The following ZC3H7B variants were observed in gnomAD, a reference collection of about 807,000 sequenced individuals.
The protein encoded by ZC3H7B is zinc finger CCCH-type containing 7B.
A neutral mutation model predicts 116.0 loss-of-function variants in ZC3H7B; 35 were observed. The observed-to-expected ratio is 0.30, with a 90% CI of 0.23 to 0.40. The LOEUF (loss-of-function observed/expected upper bound fraction) is 0.40. Ranked by LOEUF, ZC3H7B falls within the 10% of genes least tolerant of loss-of-function variation. The probability of loss-of-function intolerance (pLI) is 1.00; values close to 1 mark genes in which losing one functional copy is unlikely to be tolerated. For missense variants in ZC3H7B, 1,011 were observed against 1,321.5 expected (o/e 0.77, Z 3.64); for synonymous variants, 502 against 545.6 (o/e 0.92, Z 1.11).
At chr22:41,306,459 C>T (rs745561524) in intron 1 of ZC3H7B, among the ~76,000 whole-genome samples, 33 of 151,090 alleles carry the variant, frequency 2.2e-4, no homozygotes, top group Admixed American at 5.9e-4. Flanking sequence ...CTGCAACCTC[C>T]GCCTCCCGGG....
chr22:41,341,558 A>G (rs2036522825), intron 11 of ZC3H7B, among the ~76,000 whole-genome samples: 2 of 151,552 alleles, frequency 1.3e-5, no homozygotes, highest in Non-Finnish European at 2.9e-5. Context: ...CCTGGCTAAC[A>G]CAGTGAAACC....
At chr22:41,333,399 G>T (rs1387358387) in intron 7 of ZC3H7B, 1 of 152,136 alleles carries the variant, frequency 6.6e-6, no homozygotes, top group African/African-American at 2.4e-5. Flanking sequence ...GGCCGAGGTG[G>T]GTGATCACTT....
chr22:41,319,495 G>A (rs561049098), intron 1 of ZC3H7B, among the ~76,000 whole-genome samples: 9 of 151,330 alleles, frequency 5.9e-5, no homozygotes, highest in Admixed American at 5.3e-4. Context: ...ACTTGAAACC[G>A]GGAGGTGGAG....
At chr22:41,342,455 C>T in intron 11 of ZC3H7B, 74 bp from the exon 12 acceptor site, 2 of 1,457,364 alleles carry the variant, frequency 1.4e-6, no homozygotes, top group Non-Finnish European at 1.9e-6. Flanking sequence ...CTCCCCACTT[C>T]TGGTGCCCTG....
chr22:41,320,664 G>A lies in ZC3H7B; in HGVS notation c.4G>A (p.Glu2Lys). The A allele has an allele frequency of 6.2e-7, 1 of 1,613,398 alleles. No individual in the cohort carries two copies. Among genetic ancestry groups the A allele is most frequent in the Non-Finnish European group, 8.5e-7 (1 of 1,179,590 alleles). Reference protein sequence around the residue: MERQKRKADIEK... With the variant: MKRQKRKADIEK... ...GTGCTCTCTTCCCCAGAGACTGATG[G>A]AGAGGCAGAAACGGAAGGCGGACAT... Residue 2 changes from glutamate (E) to lysine (K), a missense_variant, in exon 2 of 23, where the codon GAG becomes AAG. Around this residue, in one of 5 missense-constraint regions of ZC3H7B, gnomAD observed 322 missense variants for 443.9 expected, o/e 0.73. Transcript: ENST00000352645.
chr22:41,344,207 G>A (rs897758361), intron 13 of ZC3H7B, among the ~76,000 whole-genome samples: 4 of 152,164 alleles, frequency 2.6e-5, no homozygotes, highest in Non-Finnish European at 5.9e-5. Context: ...AGCTCTGGAG[G>A]AGGAAACGGA....
chr22:41,318,994 C>T (rs1368299673), intron 1 of ZC3H7B, among the ~76,000 whole-genome samples: 6 of 152,146 alleles, frequency 3.9e-5, no homozygotes, highest in Non-Finnish European at 7.4e-5. Context: ...GTGAGCCAGG[C>T]GCAGTGGCTG....
intron 2 of ZC3H7B, 111 bp from the exon 3 acceptor site, chr22:41,325,453 C>T: frequency 7.0e-7 from 1 of 1,429,230 alleles, no homozygotes; most frequent in Non-Finnish European, 9.6e-7. Flanking sequence ...AGTCTGTTCA[C>T]CCTAGTCCAC....
chr22:41,338,454 C>T lies in ZC3H7B; in HGVS notation c.625+99C>T. The stretch of plus-strand genomic sequence containing the variant: ...ATCCCAGCCCTGTAGATGGGAGGGC[C>T]TCCGAGGGGTTCCCCACCCTGGTAC... On this transcript the variant is annotated intron_variant, in intron 8 of 22. Transcript: ENST00000352645. The surrounding 1 kb of genome is among the most constrained non-coding windows in gnomAD (Gnocchi z 4.5). The T allele has an allele frequency of 4.6e-6, 6 of 1,317,432 alleles. No homozygotes were observed. In the South Asian group the frequency reaches 5.1e-5, roughly 11 times the overall value. 81.6% of individuals were successfully genotyped at this position (1,317,432 alleles called of 1,614,324 possible).
chr22:41,350,077 C>A (rs1227638128), intron 16 of ZC3H7B, among the ~76,000 whole-genome samples: 1 of 152,078 alleles, frequency 6.6e-6, no homozygotes, highest in African/African-American at 2.4e-5. Flanking sequence ...GAGACAGACT[C>A]GGGGATGGGA....
intron 1 of ZC3H7B, among the ~76,000 whole-genome samples, chr22:41,312,292 C>T (rs1220459704): frequency 6.6e-6 from 1 of 151,846 alleles, no homozygotes; most frequent in Non-Finnish European, 1.5e-5. Flanking sequence ...CATGGTGATA[C>T]CCTGTCTCTA....
At chr22:41,309,891 G>A (rs181842604) in intron 1 of ZC3H7B, among the ~76,000 whole-genome samples, 35 of 152,128 alleles carry the variant, frequency 2.3e-4, no homozygotes, top group African/African-American at 7.7e-4. Flanking sequence ...GCCCACGACT[G>A]GGCAGGGAAA....
chr22:41,314,023 C>G (rs996515844), intron 1 of ZC3H7B, among the ~76,000 whole-genome samples: 13 of 149,586 alleles, frequency 8.7e-5, no homozygotes, highest in African/African-American at 2.2e-4. Flanking sequence ...CCAAAGTGCT[C>G]GGATTATAGG....
Position 41,302,287 on chromosome 22 carries a change from G to T in ZC3H7B, c.-7+515G>T, listed in dbSNP as rs1340430925. Among the ~76,000 whole-genome samples, 1 of 151,826 alleles carries T rather than the reference G, an allele frequency of 6.6e-6. No homozygotes were observed. Among genetic ancestry groups the T allele is most frequent in the Non-Finnish European group, 1.5e-5 (1 of 67,900 alleles). On this transcript the variant is annotated intron_variant, in intron 1 of 22. Transcript: ENST00000352645. The surrounding 1 kb of genome is among the most constrained non-coding windows in gnomAD (Gnocchi z 5.7). ...GGCCGCGGCGAGGGCCGGGGAGCGG[G>T]GCCGCCCGACGGGCCGCCCCTTTCG...
At chr22:41,304,612 C>T (rs2036016512) in intron 1 of ZC3H7B, among the ~76,000 whole-genome samples, 1 of 152,128 alleles carries the variant, frequency 6.6e-6, no homozygotes, top group Middle Eastern at 3.2e-3. Flanking sequence ...TCAAGGCTAC[C>T]TGGAAAAGTT....
Position 41,351,735 on chromosome 22 carries a change from A to C in ZC3H7B, c.2034+89A>C. The stretch of plus-strand genomic sequence containing the variant: ...GAAGGCTCTAATTTTACAATAGAGA[A>C]ATGTTTACAATGGAGGCACCTCGAA... On this transcript the variant is annotated intron_variant, in intron 17 of 22. Coordinates refer to ENST00000352645, the MANE Select transcript of ZC3H7B (RefSeq NM_017590.6). The surrounding 1 kb of genome is among the most constrained non-coding windows in gnomAD (Gnocchi z 5.1). 7.9e-7 allele frequency: 1 copy of C among 1,266,806 alleles called. No individual in the cohort carries two copies. Among genetic ancestry groups the C allele is most frequent in the Non-Finnish European group, 1.1e-6 (1 of 900,634 alleles). The allele number at this position is 1,266,806 out of a possible 1,614,324, so 78.5% of individuals were successfully genotyped here.
chr22:41,331,254 AAT>A (rs1395648224), intron 6 of ZC3H7B, among the ~76,000 whole-genome samples: 1 of 147,858 alleles, frequency 6.8e-6, no homozygotes. Context: ...TCTCAAAAAA[AAT>A]AAATAAATAA....
intron 13 of ZC3H7B, among the ~76,000 whole-genome samples, chr22:41,345,553 C>T (rs1394582255): frequency 6.6e-6 from 1 of 152,048 alleles, no homozygotes; most frequent in East Asian, 1.9e-4. Context: ...CCATTGCACT[C>T]CAGCATGGGC....
rs117271688 is a variant in ZC3H7B, at chr22:41,330,231, A to C, written c.525+128A>C. ...GGTTAGGACAGAGGGGAGTGACAGC[A>C]GGTGATCTTCCTTGTCTGTTGGCTG... On this transcript the variant is annotated intron_variant, in intron 6 of 22. Transcript: ENST00000352645. The C allele has an allele frequency of 9.6e-4, 836 of 874,308 alleles. 14 individuals are homozygous for C. The East Asian group carries it at 0.021, about 21-fold the overall frequency. The allele number at this position is 874,308 out of a possible 1,614,324, so 54.2% of individuals were successfully genotyped here.
Sources: allele counts gnomAD v4.1 joint callset (sites outside exome capture counted in the v4.1 genomes callset), GRCh38; gene constraint gnomAD v4.1.1; regional missense constraint gnomAD v4.1.1; non-coding constraint Gnocchi (gnomAD v3.1); transcripts MANE v1.5; gene names NCBI Gene and HGNC (gene_info 2026-07-23, HGNC 2026-07-21).